Variants in HAUS6 observed in about 807,000 individuals in gnomAD.
The protein encoded by HAUS6 is HAUS augmin like complex subunit 6, also known as HAUS augmin-like complex subunit 6.
HAUS6 carries 80 observed loss-of-function variants against 106.8 expected under a neutral mutation model. The ratio of observed to expected loss-of-function variants is 0.75; its 90% confidence interval spans 0.63 to 0.90. HAUS6 has a LOEUF of 0.90. Among genes scored for constraint, HAUS6 ranks in the 40% least tolerant of loss-of-function variants. HAUS6 has a pLI of 0.00. For synonymous variants in HAUS6, 356 were observed against 379.1 expected (o/e 0.94, Z 0.71); for missense variants, 1,155 against 1,118.1 (o/e 1.03, Z -0.47).
intron 16 of HAUS6, 62 bp from the exon 17 acceptor site, chr9:19,056,466 C>T (rs1836473029): frequency 2.3e-6 from 2 of 871,694 alleles, no homozygotes; most frequent in African/African-American, 1.7e-5. Flanking sequence ...CAATAGATTC[C>T]AAGCAATAGC....
At chr9:19,071,501 T>C (rs759258103) in intron 11 of HAUS6, among the ~76,000 whole-genome samples, 7 of 151,202 alleles carry the variant, frequency 4.6e-5, no homozygotes, top group Non-Finnish European at 8.8e-5. Flanking sequence ...AAATCCCAAA[T>C]AGGCTAAATA....
At chr9:19,076,784 T>C (rs1161385587) in intron 10 of HAUS6, 80 bp from the exon 11 acceptor site, 2 of 682,810 alleles carry the variant, frequency 2.9e-6, no homozygotes, top group African/African-American at 1.8e-5. Flanking sequence ...AATCTATGAA[T>C]AGATTATCTT....
At chr9:19,075,035 C>T (rs1186060923) in intron 11 of HAUS6, among the ~76,000 whole-genome samples, 2 of 152,160 alleles carry the variant, frequency 1.3e-5, no homozygotes, top group African/African-American at 2.4e-5. Flanking sequence ...GTAGAGGATA[C>T]AATGGCATGT....
At chr9:19,088,836 C>A (rs1679997486) in intron 5 of HAUS6, among the ~76,000 whole-genome samples, 1 of 152,092 alleles carries the variant, frequency 6.6e-6, no homozygotes, top group South Asian at 2.1e-4. Context: ...CAAGATTGCA[C>A]TACTGCACTC....
At position 19,096,675 on chromosome 9, in the gene HAUS6, T is replaced by G; in HGVS notation, c.223A>C (p.Lys75Gln). The change falls in exon 2 of 17, where the codon AAA becomes CAA. Residue 75 changes from lysine to glutamine, a missense_variant and splice_region_variant. Transcript: ENST00000380502. Reference protein sequence around the residue: ...LDQSLTKEVFKFCWPPFDQKS... With the variant: ...LDQSLTKEVFQFCWPPFDQKS... Reference sequence around the variant, plus strand: ...GAAAATGAAATTATTTTTCCTTACTTGAAAACTTCTTTGGTGAGAGACTGG... The same window carrying G: ...GAAAATGAAATTATTTTTCCTTACTGGAAAACTTCTTTGGTGAGAGACTGG... 5 of 1,364,568 alleles carry G rather than the reference T, an allele frequency of 3.7e-6. No individual in the cohort carries two copies. Among genetic ancestry groups the G allele is most frequent in the Non-Finnish European group, 5.1e-6 (5 of 986,980 alleles). The allele number at this position is 1,364,568 out of a possible 1,614,324, so 84.5% of individuals were successfully genotyped here.
At chr9:19,064,556 G>C (rs1177928637) in intron 12 of HAUS6, among the ~76,000 whole-genome samples, 1 of 152,084 alleles carries the variant, frequency 6.6e-6, no homozygotes, top group Non-Finnish European at 1.5e-5. Flanking sequence ...ACCTTTAAAA[G>C]TTAAAAGCCT....
At chr9:19,065,925 A>T (rs1836751817) in intron 12 of HAUS6, among the ~76,000 whole-genome samples, 1 of 150,614 alleles carries the variant, frequency 6.6e-6, no homozygotes, top group Non-Finnish European at 1.5e-5. Flanking sequence ...TCCTTTGATC[A>T]CAGCCAAAAA....
intron 4 of HAUS6, among the ~76,000 whole-genome samples, chr9:19,090,498 G>A (rs1039558327): frequency 3.3e-5 from 5 of 152,096 alleles, no homozygotes; most frequent in Non-Finnish European, 5.9e-5. Flanking sequence ...CCAAGTAGCT[G>A]GGACTACAGG....
At chr9:19,095,009 G>C (rs1266444420) in intron 2 of HAUS6, among the ~76,000 whole-genome samples, 1 of 151,914 alleles carries the variant, frequency 6.6e-6, no homozygotes, top group Non-Finnish European at 1.5e-5. Context: ...CACTGGACTA[G>C]TGCATAAAGA....
chr9:19,078,242 T>G lies in HAUS6; in HGVS notation c.1125A>C (p.Glu375Asp). The G allele has an allele frequency of 6.4e-7, 1 of 1,559,814 alleles. No homozygotes were observed. Among genetic ancestry groups the G allele is most frequent in the Non-Finnish European group, 8.8e-7 (1 of 1,132,140 alleles). ...IRHSVVEKQG[E>D]WHKKWKEFLG... ...GAAATTCTTTCCACTTTTTATGCCA[T>G]TCTCCTTGCTTTTCAACAACAGAAT... Residue 375 changes from glutamate (E) to aspartate (D), a missense_variant, in exon 10 of 17, where the codon GAA (glutamate) becomes GAC (aspartate). Transcript: ENST00000380502.
rs760559772 is a variant in HAUS6 at position 19,076,674 on chromosome 9, G to C, written c.1222C>G (p.Leu408Val). The C allele has an allele frequency of 6.3e-7, 1 of 1,579,358 alleles. No individual in the cohort carries two copies. Among genetic ancestry groups the C allele is most frequent in the Non-Finnish European group, 8.7e-7 (1 of 1,148,938 alleles). The change falls in exon 11 of 17, where the codon CTT becomes GTT. Residue 408 changes from leucine to valine, a missense_variant. By Grantham distance (32) the Leu-to-Val change is conservative. Around this residue, in one of 3 missense-constraint regions of HAUS6, gnomAD observed 761 missense variants for 690.0 expected, o/e 1.10. Coordinates refer to ENST00000380502, the MANE Select transcript of HAUS6 (RefSeq NM_017645.5). ...TCTTCTGAGGCAGGATCAAACGAAAGGGGAGACATTGGTGGTAAAAGATCT... is the reference window on the plus strand; with the variant it reads ...TCTTCTGAGGCAGGATCAAACGAAACGGGAGACATTGGTGGTAAAAGATCT... ...SVDLLPPMSPLSFDPASEEVY... is the reference protein window; with the variant it reads ...SVDLLPPMSPVSFDPASEEVY...
Position 19,069,562 on chromosome 9 carries a change from G to A in HAUS6, c.1376+657C>T, listed in dbSNP as rs775707780. 2.0e-5 allele frequency among the ~76,000 whole-genome samples: 3 copies of A among 152,022 alleles called. 1 individual carries two copies. The highest frequency in any genetic ancestry group is 4.2e-4 in the South Asian group (2 of 4,814). On this transcript the variant is annotated intron_variant, in intron 12 of 16. Coordinates refer to ENST00000380502, the MANE Select transcript of HAUS6 (RefSeq NM_017645.5). The stretch of plus-strand genomic sequence containing the variant: ...AAATTACCCAAGTGTGGTGGCAGGC[G>A]CTTGTAATGCCAGCTACTTAGGAGG...
intron 2 of HAUS6, 64 bp from the exon 3 acceptor site, chr9:19,094,459 C>T (rs1365926358): frequency 3.2e-6 from 3 of 938,982 alleles, no homozygotes; most frequent in Non-Finnish European, 5.0e-6. Flanking sequence ...AAAGCCTCAG[C>T]AAATTTTTTA....
At position 19,095,053 on chromosome 9, in the gene HAUS6, A is replaced by T. The variant is rs1337389643; in HGVS notation, c.225-658T>A. On this transcript the variant is annotated intron_variant, in intron 2 of 16. Coordinates refer to ENST00000380502, the MANE Select transcript of HAUS6 (RefSeq NM_017645.5). ...ATAAATTAGTAAATTAAGCCTGAAA[A>T]GAAATAGTAATCTTGCCAGAGAGAA... Among the ~76,000 whole-genome samples the T allele has an allele frequency of 6.6e-5, 10 of 152,022 alleles. No individual in the cohort carries two copies. The Admixed American group carries it at 6.6e-4, about 10-fold the overall frequency.
chr9:19,072,864 C>T (rs748551400), intron 11 of HAUS6, among the ~76,000 whole-genome samples: 67 of 152,062 alleles, frequency 4.4e-4, no homozygotes, highest in Admixed American at 1.3e-3. Context: ...TAAAAAAAGA[C>T]AGGCATTATT....
rs1372517236 is a variant in HAUS6, at chr9:19,080,613, T to C, written c.930A>G (p.Leu310=). ...TCATCACCTTCAAGACTTCATTTAA[T>C]AACTGAATAACTGTTAAGAGGTTCA... The part of the protein sequence containing the change: ...GKLNLLTVIQ[L]LNEVLKVMKY... The change falls in exon 9 of 17, where the codon TTA becomes TTG. Residue 310 remains leucine (L), a synonymous_variant. Coordinates refer to ENST00000380502, the MANE Select transcript of HAUS6 (RefSeq NM_017645.5). 1 of 1,603,184 alleles carries C rather than the reference T, an allele frequency of 6.2e-7. No homozygotes were observed. Among genetic ancestry groups the C allele is most frequent in the Non-Finnish European group, 8.5e-7 (1 of 1,170,362 alleles).
chr9:19,087,784 C>G (rs746642292), intron 5 of HAUS6, among the ~76,000 whole-genome samples: 1 of 140,502 alleles, frequency 7.1e-6, no homozygotes, highest in South Asian at 2.4e-4. Context: ...TCAAGGCTGC[C>G]GTGAGTCATA....
chr9:19,097,115 G>C (rs1003661815), intron 1 of HAUS6, among the ~76,000 whole-genome samples: 1 of 152,126 alleles, frequency 6.6e-6, no homozygotes. Context: ...TATTTATTAA[G>C]AGTACATGTT....
Position 19,063,549 on chromosome 9 carries a change from A to G in HAUS6, c.1408T>C (p.Ser470Pro). ...PASFLSQSVS[S>P]SDRNSVTVLE... is the part of the protein sequence containing the mutation. Reference sequence around the variant, plus strand: ...ACTGTAACACTGTTTCTATCTGATGATGAAACTGACTGCGACAAGAAAGAG... The same window carrying G: ...ACTGTAACACTGTTTCTATCTGATGGTGAAACTGACTGCGACAAGAAAGAG... The change falls in exon 13 of 17, where the codon TCA becomes CCA. Residue 470 changes from serine (S) to proline (P), a missense_variant. Coordinates refer to ENST00000380502, the MANE Select transcript of HAUS6 (RefSeq NM_017645.5). 1 of 1,606,542 alleles carries G rather than the reference A, an allele frequency of 6.2e-7. No individual in the cohort carries two copies.
Sources: allele counts gnomAD v4.1 joint callset (sites outside exome capture counted in the v4.1 genomes callset), GRCh38; gene constraint gnomAD v4.1.1; regional missense constraint gnomAD v4.1.1; transcripts MANE v1.5; gene names NCBI Gene and HGNC (gene_info 2026-07-23, HGNC 2026-07-21).